MAP6: variants seen among roughly 807,000 people sequenced by gnomAD.
MAP6 encodes microtubule associated protein 6, also known as microtubule-associated protein 6.
Under a neutral mutation model 42.4 loss-of-function variants are expected in MAP6, and 26 were observed. The ratio of observed to expected loss-of-function variants is 0.61; its 90% confidence interval spans 0.45 to 0.85. MAP6 has a LOEUF of 0.85. Among genes scored for constraint, MAP6 ranks in the 40% least tolerant of loss-of-function variants. MAP6 has a pLI of 0.00. For synonymous variants in MAP6, 418 were observed against 443.8 expected (o/e 0.94, Z 0.73); for missense variants, 966 against 1,099.0 (o/e 0.88, Z 1.71).
At chr11:75,605,716 T>A (rs1038891673) in intron 3 of MAP6, 92 bp downstream of exon 3, 2 of 1,555,332 alleles carry the variant, frequency 1.3e-6, no homozygotes, top group Non-Finnish European at 8.6e-7. Context: ...CTAATTAATT[T>A]TGTGGCCTTT....
chr11:75,664,145 C>T (rs1943904247), intron 1 of MAP6, among the ~76,000 whole-genome samples: 1 of 152,140 alleles, frequency 6.6e-6, no homozygotes, highest in South Asian at 2.1e-4. Flanking sequence ...CCATCCTTAA[C>T]ATTAAAAATG....
chr11:75,660,604 C>T (rs1008226116), intron 1 of MAP6, among the ~76,000 whole-genome samples: 8 of 152,318 alleles, frequency 5.3e-5, no homozygotes, highest in Non-Finnish European at 7.4e-5. Flanking sequence ...AATCTCACAA[C>T]CATGGTTAAG....
Position 75,668,682 on chromosome 11 carries a change from G to A in MAP6, c.-313C>T, listed in dbSNP as rs1315140790. 9.0e-6 allele frequency: 2 copies of A among 222,604 alleles called. No homozygotes were observed. Among genetic ancestry groups the A allele is most frequent in the Non-Finnish European group, 1.8e-5 (2 of 114,014 alleles). 13.8% of individuals were successfully genotyped at this position (222,604 alleles called of 1,614,324 possible). On this transcript the variant is annotated 5_prime_UTR_variant, in exon 1 of 4. Transcript: ENST00000304771. ...GTGTCTGGGACGCGCCCCTCCCTGC[G>A]GCTGCGGCGGCGCACAGACCTCGGT...
chr11:75,603,807 A>T, intron 3 of MAP6: 4 of 985,436 alleles, frequency 4.1e-6, no homozygotes, highest in Non-Finnish European at 4.8e-6. Context: ...TCCCCTGTGC[A>T]TTGTAAACTC....
rs769167461 is a variant in MAP6, at chr11:75,587,017, TCTCA to T, written c.*38_*41del. On this transcript the variant is annotated 3_prime_UTR_variant, in exon 4 of 4. Transcript: ENST00000304771. ...TTCACTGCCCCTGGGAGGGGAGCAC[TCTCA>T]CTGTCAGCTCCTTCATTGGTGTGTC... 14 of 1,520,368 alleles carry T rather than the reference TCTCA, an allele frequency of 9.2e-6. No homozygotes were observed. In the Admixed American group the frequency reaches 2.2e-4, roughly 23 times the overall value. 94.2% of individuals were successfully genotyped at this position (1,520,368 alleles called of 1,614,324 possible).
rs779429473 is a variant in MAP6 at position 75,587,433 on chromosome 11, G to C, written c.2068C>G (p.His690Asp). The change falls in exon 4 of 4, where the codon CAT becomes GAT. Residue 690 changes from histidine to aspartate, a missense_variant. Physicochemically the swap from His to Asp is moderately conservative, Grantham distance 81 (BLOSUM62 -1). Around this residue, in one of 2 missense-constraint regions of MAP6, gnomAD observed 943 missense variants for 1,049.9 expected, o/e 0.90. Coordinates refer to ENST00000304771, the MANE Select transcript of MAP6 (RefSeq NM_033063.2). ...VKDQDVVVPE[H>D]AKVHDSAVVA... ...ACTGCAGAATCGTGAACCTTTGCAT[G>C]CTCTGGGACTACAACATCTTGATCC... The C allele has an allele frequency of 3.7e-6, 6 of 1,613,988 alleles. No individual in the cohort carries two copies. The highest frequency in any genetic ancestry group is 5.1e-6 in the Non-Finnish European group (6 of 1,180,006).
chr11:75,658,603 T>C (rs1943792150), intron 1 of MAP6, among the ~76,000 whole-genome samples: 1 of 152,200 alleles, frequency 6.6e-6, no homozygotes. Flanking sequence ...CTCCAGTCCA[T>C]TCTTCCCACT....
At chr11:75,605,729 TGG>T in intron 3 of MAP6, 77 bp downstream of exon 3, 1 of 1,568,360 alleles carries the variant, frequency 6.4e-7, no homozygotes, top group Non-Finnish European at 8.6e-7. Context: ...TGGCCTTTTT[TGG>T]TTTGTTGGTT....
chr11:75,604,373 T>C, intron 3 of MAP6: 1 of 985,430 alleles, frequency 1.0e-6, no homozygotes, highest in Non-Finnish European at 1.2e-6. Flanking sequence ...AAAGGGACTT[T>C]GAGGTAAGGA....
chr11:75,588,162 C>T lies in MAP6; in HGVS notation c.1339G>A (p.Asp447Asn). Residue 447 changes from aspartate (D) to asparagine (N), a missense_variant, in exon 4 of 4, where the codon GAT becomes AAT. Asp to Asn is a conservative substitution (Grantham distance 23). This residue lies in a region of MAP6 where 943 missense variants were observed against 1,049.9 expected (regional missense o/e 0.90). Transcript: ENST00000304771. The part of the protein sequence containing the change: ...AKESLAQPVS[D>N]SSKTQGPVAT... Reference sequence around the variant, plus strand: ...ACAGGACCTTGAGTCTTACTTGAATCACTGACGGGTTGAGCCAGGCTCCTG... The same window carrying T: ...ACAGGACCTTGAGTCTTACTTGAATTACTGACGGGTTGAGCCAGGCTCCTG... The T allele has an allele frequency of 6.2e-7, 1 of 1,612,912 alleles. No homozygotes were observed. Among genetic ancestry groups the T allele is most frequent in the Non-Finnish European group, 8.5e-7 (1 of 1,179,684 alleles).
chr11:75,587,316 G>A lies in MAP6; in HGVS notation c.2185C>T (p.Pro729Ser). 1 of 1,614,136 alleles carries A rather than the reference G, an allele frequency of 6.2e-7. No homozygotes were observed. Among genetic ancestry groups the A allele is most frequent in the Non-Finnish European group, 8.5e-7 (1 of 1,180,024 alleles). ...ILPVLVKDQGPTVLQPPKNQG... is the reference protein window; with the variant it reads ...ILPVLVKDQGSTVLQPPKNQG... The stretch of plus-strand genomic sequence containing the variant: ...TTCTTTGGAGGCTGTAGGACTGTGG[G>A]GCCTTGATCCTTAACTAGTACTGGG... The change falls in exon 4 of 4, where the codon CCC becomes TCC. Residue 729 changes from proline to serine, a missense_variant. Pro to Ser is a moderately conservative substitution (Grantham distance 74). Coordinates refer to ENST00000304771, the MANE Select transcript of MAP6 (RefSeq NM_033063.2).
At chr11:75,602,558 C>A (rs567649695) in intron 3 of MAP6, among the ~76,000 whole-genome samples, 1 of 152,322 alleles carries the variant, frequency 6.6e-6, no homozygotes, top group African/African-American at 2.4e-5. Flanking sequence ...AGAGCCCAGC[C>A]TCCCAGTGTG....
intron 3 of MAP6, chr11:75,602,779 T>C: frequency 1.0e-6 from 1 of 967,764 alleles, no homozygotes. Context: ...CAGCTCATCT[T>C]GCAGAGAATG....
chr11:75,588,061 C>T lies in MAP6; in HGVS notation c.1440G>A (p.Glu480=). 6.2e-7 allele frequency: 1 copy of T among 1,614,028 alleles called. No homozygotes were observed. Among genetic ancestry groups the T allele is most frequent in the Non-Finnish European group, 8.5e-7 (1 of 1,180,034 alleles). Residue 480 remains glutamate (E), a synonymous_variant, in exon 4 of 4, where the codon GAG becomes GAA. Transcript: ENST00000304771. ...LLKGQGPMVQ[E]PLKKQGSVVP... is the part of the protein sequence containing the mutation. The stretch of plus-strand genomic sequence containing the variant: ...CCACAGAACCTTGCTTCTTCAGAGG[C>T]TCTTGCACCATAGGACCTTGACCTT...
At chr11:75,662,763 C>T (rs537187783) in intron 1 of MAP6, among the ~76,000 whole-genome samples, 39 of 152,244 alleles carry the variant, frequency 2.6e-4, no homozygotes, top group African/African-American at 7.5e-4. Context: ...CCAGGCTACA[C>T]CCCAGACCAA....
chr11:75,591,002 G>A (rs1025981943), intron 3 of MAP6, among the ~76,000 whole-genome samples: 3 of 152,024 alleles, frequency 2.0e-5, no homozygotes, highest in African/African-American at 7.2e-5. Flanking sequence ...TAGGAAAAAT[G>A]TGCATAGATT....
chr11:75,606,099 C>A lies in MAP6; in HGVS notation c.1120-95G>T, dbSNP rs561865752. The A allele has an allele frequency of 1.0e-5, 15 of 1,450,638 alleles. No homozygotes were observed. In the African/African-American group the frequency reaches 1.8e-4, roughly 18 times the overall value. The allele number at this position is 1,450,638 out of a possible 1,614,324, so 89.9% of individuals were successfully genotyped here. A position where few individuals can be genotyped will look rare whatever the true frequency, so the allele number is the denominator to read the frequency against. On this transcript the variant is annotated intron_variant, in intron 2 of 3. Coordinates refer to ENST00000304771, the MANE Select transcript of MAP6 (RefSeq NM_033063.2). ...AAAGATATGGTTAATTAAGGAATGA[C>A]GGTAATGACAGAGGTTGGCTCAGGT...
At chr11:75,647,563 A>G (rs1182522544) in intron 1 of MAP6, among the ~76,000 whole-genome samples, 1 of 152,156 alleles carries the variant, frequency 6.6e-6, no homozygotes, top group African/African-American at 2.4e-5. Flanking sequence ...CCAAGTAGAA[A>G]TGATAACAGA....
intron 1 of MAP6, among the ~76,000 whole-genome samples, chr11:75,609,066 C>T (rs577659407): frequency 5.3e-5 from 8 of 152,180 alleles, no homozygotes; most frequent in Non-Finnish European, 1.0e-4. Flanking sequence ...TGGTCCTTAT[C>T]CTAAATGATC....
Sources: gnomAD v4.1 joint callset for allele counts (sites outside exome capture counted in the v4.1 genomes callset) on GRCh38, gnomAD v4.1.1 for gene constraint, gnomAD v4.1.1 regional missense constraint, MANE v1.5 for transcripts, NCBI Gene and HGNC (gene_info 2026-07-23, HGNC 2026-07-21) for gene names.